ELAPOR2: variants seen among roughly 807,000 people sequenced by gnomAD.
ELAPOR2 encodes endosome-lysosome associated apoptosis and autophagy regulator family member 2.
Under a neutral mutation model 120.7 loss-of-function variants are expected in ELAPOR2, and 89 were observed. The observed-to-expected ratio is 0.74, with a 90% confidence interval of 0.62 to 0.88. ELAPOR2 has a LOEUF of 0.88. Ranked by LOEUF, ELAPOR2 falls within the 40% of genes least tolerant of loss-of-function variation. The pLI is 0.00. For synonymous variants in ELAPOR2, 444 were observed against 444.9 expected (o/e 1.00, Z 0.03); for missense variants, 1,134 against 1,251.6 (o/e 0.91, Z 1.42).
At chr7:86,978,885 A>G (rs769869075) in intron 1 of ELAPOR2, among the ~76,000 whole-genome samples, 14 of 152,208 alleles carry the variant, frequency 9.2e-5, no homozygotes, top group African/African-American at 2.2e-4. Context: ...CTATAACTGT[A>G]TATTTTTTTG....
intron 1 of ELAPOR2, among the ~76,000 whole-genome samples, chr7:86,965,624 C>T (rs1428420492): frequency 2.6e-5 from 4 of 152,156 alleles, no homozygotes; most frequent in African/African-American, 9.7e-5. Context: ...AAATTAAAAC[C>T]AACCCCCAAC....
At chr7:87,014,306 A>G (rs1793794535) in intron 1 of ELAPOR2, among the ~76,000 whole-genome samples, 2 of 152,136 alleles carry the variant, frequency 1.3e-5, no homozygotes, top group Non-Finnish European at 2.9e-5. Context: ...ATTTTTTTCT[A>G]GGACCAATTG....
At chr7:87,040,855 A>G (rs1794761271) in intron 1 of ELAPOR2, among the ~76,000 whole-genome samples, 1 of 152,080 alleles carries the variant, frequency 6.6e-6, no homozygotes, top group South Asian at 2.1e-4. Context: ...AAAGAAGTTG[A>G]AAACTTTGAA....
At chr7:87,014,921 A>G (rs1403272429) in intron 1 of ELAPOR2, among the ~76,000 whole-genome samples, 3 of 152,150 alleles carry the variant, frequency 2.0e-5, no homozygotes, top group African/African-American at 7.2e-5. Context: ...TTGTCCAAAC[A>G]CATCAAATTG....
chr7:86,964,423 A>C, intron 2 of ELAPOR2, among the ~76,000 whole-genome samples: 1 of 152,324 alleles, frequency 6.6e-6, no homozygotes, highest in Middle Eastern at 3.4e-3. Flanking sequence ...ATACTAAAAA[A>C]AATTAAGTTA....
chr7:86,915,997 C>T (rs1789552821), intron 12 of ELAPOR2, among the ~76,000 whole-genome samples: 1 of 152,048 alleles, frequency 6.6e-6, no homozygotes, highest in African/African-American at 2.4e-5. Context: ...TATCACCTTA[C>T]ATTTGTGAAG....
At chr7:87,055,047 C>A (rs1400198310) in intron 1 of ELAPOR2, among the ~76,000 whole-genome samples, 1 of 152,160 alleles carries the variant, frequency 6.6e-6, no homozygotes, top group African/African-American at 2.4e-5. Context: ...TGTTCTCACT[C>A]CCTGCATGAT....
At chr7:87,005,896 T>C (rs1241027992) in intron 1 of ELAPOR2, among the ~76,000 whole-genome samples, 3 of 152,010 alleles carry the variant, frequency 2.0e-5, no homozygotes, top group Non-Finnish European at 4.4e-5. Flanking sequence ...GCAATAATTA[T>C]AAAAGAAGAA....
intron 1 of ELAPOR2, among the ~76,000 whole-genome samples, chr7:87,051,275 GT>G (rs75482091): frequency 0.56 from 85,549 of 151,988 alleles, 24,838 homozygotes; most frequent in East Asian, 0.76. Flanking sequence ...AACCAGGAGA[GT>G]TTGGGGTGCT....
intron 1 of ELAPOR2, among the ~76,000 whole-genome samples, chr7:87,001,776 A>G (rs907567697): frequency 6.6e-6 from 1 of 152,200 alleles, no homozygotes; most frequent in East Asian, 1.9e-4. Context: ...GCAGAGGATC[A>G]TATCAAAAAG....
At chr7:86,919,358 T>C (rs1251498366) in intron 10 of ELAPOR2, 48 bp from the exon 11 acceptor site, 3 of 1,092,370 alleles carry the variant, frequency 2.7e-6, no homozygotes, top group African/African-American at 3.2e-5. Context: ...CCATTAATGA[T>C]CTCCAACAAT....
intron 1 of ELAPOR2, among the ~76,000 whole-genome samples, chr7:87,010,346 T>C (rs576494434): frequency 3.3e-5 from 5 of 152,324 alleles, no homozygotes; most frequent in East Asian, 1.9e-4. Flanking sequence ...GAAGTGAAAA[T>C]GTACTATCAG....
At position 87,055,443 on chromosome 7, in the gene ELAPOR2, C is replaced by T. The variant is rs879765568; in HGVS notation, c.189+3882G>A. On this transcript the variant is annotated intron_variant, in intron 1 of 21. Coordinates refer to ENST00000450689, the MANE Select transcript of ELAPOR2 (RefSeq NM_001142749.3). ...TCCCTTATGATAGGCTCCTGCCTGC[C>T]TGTCAGATTCATCTCTCATTAAGCT... 8.5e-5 allele frequency among the ~76,000 whole-genome samples: 13 copies of T among 152,202 alleles called. 1 individual carries two copies. The highest frequency in any genetic ancestry group is 5.9e-4 in the Admixed American group (9 of 15,288).
intron 10 of ELAPOR2, among the ~76,000 whole-genome samples, chr7:86,924,374 TACACACACAC>T (rs3057442): frequency 1.9e-4 from 27 of 145,328 alleles, no homozygotes; most frequent in African/African-American, 3.8e-4. Flanking sequence ...AGTAAGTGAA[TACACACACAC>T]ACACACACAC....
intron 2 of ELAPOR2, among the ~76,000 whole-genome samples, chr7:86,952,237 GAAT>G (rs1791286193): frequency 6.6e-6 from 1 of 152,162 alleles, no homozygotes; most frequent in African/African-American, 2.4e-5. Context: ...TTGAATCCAT[GAAT>G]AATGAGGATT....
chr7:86,952,167 T>C (rs957433403), intron 2 of ELAPOR2, among the ~76,000 whole-genome samples: 13 of 152,192 alleles, frequency 8.5e-5, no homozygotes, highest in South Asian at 2.1e-4. Flanking sequence ...TATGAAAGCA[T>C]TGAGTGTATT....
chr7:86,989,123 C>T (rs1427441009), intron 1 of ELAPOR2, among the ~76,000 whole-genome samples: 1 of 152,064 alleles, frequency 6.6e-6, no homozygotes, highest in Non-Finnish European at 1.5e-5. Flanking sequence ...TGAAGACTAA[C>T]CAATCATCTA....
At chr7:86,958,992 G>A (rs1210374065) in intron 2 of ELAPOR2, among the ~76,000 whole-genome samples, 1 of 152,014 alleles carries the variant, frequency 6.6e-6, no homozygotes, top group Non-Finnish European at 1.5e-5. Context: ...ATTTGTGTCT[G>A]CTTTCTTTAA....
chr7:86,934,404 T>G (rs1790473123), intron 8 of ELAPOR2, among the ~76,000 whole-genome samples: 1 of 152,064 alleles, frequency 6.6e-6, no homozygotes, highest in African/African-American at 2.4e-5. Flanking sequence ...CAATTCAACC[T>G]GGTTTCCATG....
Sources: gnomAD v4.1 joint callset for allele counts (sites outside exome capture counted in the v4.1 genomes callset) on GRCh38, gnomAD v4.1.1 for gene constraint, MANE v1.5 for transcripts, NCBI Gene and HGNC (gene_info 2026-07-23, HGNC 2026-07-21) for gene names.